The following FREM2 variants were observed in gnomAD, a reference collection of about 807,000 sequenced individuals.
FREM2 encodes FRAS1-related extracellular matrix protein 2.
In FREM2, 119 loss-of-function variants were observed where a neutral mutation model predicts 219.9. The observed-to-expected ratio is 0.54, with a 90% CI of 0.47 to 0.63. The LOEUF is 0.63. Among genes scored for constraint, FREM2 ranks in the 30% least tolerant of loss-of-function variants. The pLI is 0.00. For synonymous variants in FREM2, 1,562 were observed against 1,522.8 expected (o/e 1.03, Z -0.60); for missense variants, 4,030 against 3,993.6 (o/e 1.01, Z -0.25).
chr13:38,687,240 A>C lies in FREM2; in HGVS notation c.-105A>C. Reference sequence around the variant, plus strand: ...CGGCTACAGGAGGACCCCGCGGGCAACGCGCGGAGTTCCTGGCACTTCCCG... The same window carrying C: ...CGGCTACAGGAGGACCCCGCGGGCACCGCGCGGAGTTCCTGGCACTTCCCG... On this transcript the variant is annotated 5_prime_UTR_variant, in exon 1 of 24. Coordinates refer to ENST00000280481, the MANE Select transcript of FREM2 (RefSeq NM_207361.6). The C allele has an allele frequency of 2.0e-6, 3 of 1,464,890 alleles. No homozygotes were observed. Among genetic ancestry groups the C allele is most frequent in the South Asian group, 1.2e-5 (1 of 81,764 alleles). The allele number at this position is 1,464,890 out of a possible 1,614,324, so 90.7% of individuals were successfully genotyped here.
chr13:38,761,805 G>A (rs973102528), intron 2 of FREM2, among the ~76,000 whole-genome samples: 1 of 152,146 alleles, frequency 6.6e-6, no homozygotes, highest in Admixed American at 6.5e-5. Flanking sequence ...AGAGGACAAG[G>A]GTGATGGAAA....
intron 6 of FREM2, among the ~76,000 whole-genome samples, chr13:38,812,037 A>T (rs575677117): frequency 6.6e-6 from 1 of 152,264 alleles, no homozygotes; most frequent in East Asian, 1.9e-4. Flanking sequence ...CCCCTTTATC[A>T]GTATACAATG....
intron 12 of FREM2, among the ~76,000 whole-genome samples, chr13:38,857,165 T>C (rs1005026154): frequency 6.6e-6 from 1 of 152,156 alleles, no homozygotes; most frequent in South Asian, 2.1e-4. Context: ...GTGAAAAGGA[T>C]AGTCACTCAA....
chr13:38,757,187 T>TTA (rs1301462717), intron 2 of FREM2, among the ~76,000 whole-genome samples: 1 of 152,168 alleles, frequency 6.6e-6, no homozygotes, highest in African/African-American at 2.4e-5. Context: ...CAAATACCCA[T>TTA]TATATACCCA....
chr13:38,851,138 G>T (rs1054681870), intron 10 of FREM2, 30 bp downstream of exon 10: 10 of 1,607,604 alleles, frequency 6.2e-6, no homozygotes, highest in African/African-American at 2.7e-5. Context: ...TTGTTCAACT[G>T]TAAATTAGAA....
rs1168846021 is a variant in FREM2, at chr13:38,691,202, C to T, written c.3858C>T (p.His1286=). ...SFVIKLTDGK[H]SVEKTVLIIV... is the part of the protein sequence containing the mutation. ...TGATTAAACTAACAGATGGGAAGCA[C>T]TCTGTGGAAAAGACGGTCCTCATTA... is the stretch of plus-strand genomic sequence containing the variant. Residue 1286 remains histidine (H), a synonymous_variant, in exon 1 of 24, where the codon CAC becomes CAT. Transcript: ENST00000280481. The T allele has an allele frequency of 3.1e-6, 5 of 1,613,846 alleles. No individual in the cohort carries two copies. Among genetic ancestry groups the T allele is most frequent in the Admixed American group, 3.3e-5 (2 of 59,984 alleles).
Position 38,691,302 on chromosome 13 carries a change from A to G in FREM2, c.3958A>G (p.Lys1320Glu). 6.2e-7 allele frequency: 1 copy of G among 1,614,092 alleles called. No individual in the cohort carries two copies. Residue 1320 changes from lysine (K) to glutamate (E), a missense_variant, in exon 1 of 24, where the codon AAG (lysine) becomes GAG (glutamate). Lys to Glu is a moderately conservative substitution (Grantham distance 56). Coordinates refer to ENST00000280481, the MANE Select transcript of FREM2 (RefSeq NM_207361.6). ...NGLEIEIGDT[K>E]IINNKILMAT... ...ACTAGAAATAGAAATTGGGGATACC[A>G]AGATTATCAACAACAAAATATTAAT...
At chr13:38,874,428 A>G (rs1426384887) in intron 17 of FREM2, 54 bp from the exon 18 acceptor site, 14 of 1,385,104 alleles carry the variant, frequency 1.0e-5, no homozygotes, top group South Asian at 3.5e-5. Flanking sequence ...GAATCTGTAC[A>G]TAAGGGGTCT....
chr13:38,698,297 TTC>T (rs1870199040), intron 2 of FREM2, among the ~76,000 whole-genome samples: 1 of 152,184 alleles, frequency 6.6e-6, no homozygotes, highest in Admixed American at 6.5e-5. Context: ...ATCTCAGGAC[TTC>T]TAATGATTTT....
intron 12 of FREM2, 77 bp from the exon 13 acceptor site, chr13:38,857,798 T>G (rs1877616077): frequency 5.3e-4 from 677 of 1,267,058 alleles, no homozygotes; most frequent in Non-Finnish European, 7.0e-4. Flanking sequence ...CCAGGGATCG[T>G]GAGTATTGTT....
chr13:38,877,307 T>G, intron 21 of FREM2, 64 bp downstream of exon 21: 17 of 1,585,732 alleles, frequency 1.1e-5, no homozygotes, highest in Non-Finnish European at 1.4e-5. Flanking sequence ...CTTTGCTTTT[T>G]GGGGATTGTG....
chr13:38,853,367 T>C (rs1429981385), intron 11 of FREM2, among the ~76,000 whole-genome samples: 1 of 151,342 alleles, frequency 6.6e-6, no homozygotes, highest in Non-Finnish European at 1.5e-5. Flanking sequence ...ACTTGCTCTC[T>C]CTCTGAATTA....
intron 3 of FREM2, among the ~76,000 whole-genome samples, chr13:38,767,539 A>G (rs1480158915): frequency 6.6e-6 from 1 of 152,270 alleles, no homozygotes; most frequent in African/African-American, 2.4e-5. Flanking sequence ...GAAAGAAAAC[A>G]AAACAGAAAA....
At position 38,789,453 on chromosome 13, in the gene FREM2, CTCTG is replaced by C. The variant is rs560771535; in HGVS notation, c.6019+4653_6019+4656del. 2.6e-3 allele frequency among the ~76,000 whole-genome samples: 399 copies of C among 151,450 alleles called. 1 individual carries two copies. Among genetic ancestry groups the C allele is most frequent in the Non-Finnish European group, 3.0e-3 (206 of 67,756 alleles). On this transcript the variant is annotated intron_variant, in intron 6 of 23. Coordinates refer to ENST00000280481, the MANE Select transcript of FREM2 (RefSeq NM_207361.6). ...AATAATGTTCTTCTATCCTCTCTCT[CTCTG>C]TCTGTCTCTTTTCCTTTTCTCTTTC... is the stretch of plus-strand genomic sequence containing the variant.
intron 14 of FREM2, among the ~76,000 whole-genome samples, chr13:38,860,009 G>T (rs753867590): frequency 6.6e-6 from 1 of 152,120 alleles, no homozygotes; most frequent in Non-Finnish European, 1.5e-5. Context: ...AGGAAAACAA[G>T]CATGAGCAAC....
chr13:38,759,450 TAA>T (rs75729303), intron 2 of FREM2, among the ~76,000 whole-genome samples: 7 of 125,680 alleles, frequency 5.6e-5, no homozygotes, highest in Non-Finnish European at 3.4e-5. Flanking sequence ...TTTGTTATTC[TAA>T]AAAAAAAAAA....
chr13:38,728,929 G>C (rs1160132559), intron 2 of FREM2, among the ~76,000 whole-genome samples: 6 of 152,184 alleles, frequency 3.9e-5, no homozygotes, highest in Admixed American at 2.6e-4. Context: ...TCCGCCTCCT[G>C]GGATCAAGCA....
chr13:38,741,211 A>G (rs550647788), intron 2 of FREM2, among the ~76,000 whole-genome samples: 3 of 152,328 alleles, frequency 2.0e-5, no homozygotes, highest in Admixed American at 6.5e-5. Flanking sequence ...TCTTAGGCCA[A>G]TATGACCACA....
At position 38,687,750 on chromosome 13, in the gene FREM2, G is replaced by C. The variant is rs1001538066; in HGVS notation, c.406G>C (p.Val136Leu). 6.5e-7 allele frequency: 1 copy of C among 1,543,458 alleles called. No individual in the cohort carries two copies. The highest frequency in any genetic ancestry group is 1.4e-5 in the African/African-American group (1 of 73,210). ...CCCGTGCGACTTTGGCCCTGGCGAG[G>C]TGCGCTACTCTCACCTGGGCGCGCG... The part of the protein sequence containing the change: ...RFPCDFGPGE[V>L]RYSHLGARSP... The change falls in exon 1 of 24, where the codon GTG (valine) becomes CTG (leucine). Residue 136 changes from valine to leucine, a missense_variant. Physicochemically the swap from Val to Leu is conservative, Grantham distance 32. This residue lies in a region of FREM2 where 3,102 missense variants were observed against 2,950.7 expected (regional missense o/e 1.05). Transcript: ENST00000280481.
Sources: gnomAD v4.1 joint callset for allele counts (sites outside exome capture counted in the v4.1 genomes callset) on GRCh38, gnomAD v4.1.1 for gene constraint, gnomAD v4.1.1 regional missense constraint, MANE v1.5 for transcripts, NCBI Gene and HGNC (gene_info 2026-07-23, HGNC 2026-07-21) for gene names.